The following SHLD1 variants were observed in gnomAD, a reference collection of about 807,000 sequenced individuals.
The protein encoded by SHLD1 is shieldin complex subunit 1, also known as RINN1-REV7-interacting novel NHEJ regulator 3.
A neutral mutation model predicts 5.5 loss-of-function variants in SHLD1; 3 were observed. That is an observed-to-expected ratio of 0.54 (90% CI 0.25 to 1.40). The LOEUF is 1.40. SHLD1 is among the 40% of genes most tolerant of loss of function. SHLD1 has a pLI of 0.15. For missense variants in SHLD1, 210 were observed against 244.4 expected, an observed-to-expected ratio of 0.86 and a Z score of 0.94; for synonymous variants, 92 against 94.3, an observed-to-expected ratio of 0.98 and a Z score of 0.14.
intron 2 of SHLD1, among the ~76,000 whole-genome samples, chr20:5,792,818 C>A (rs988040013): frequency 6.6e-6 from 1 of 151,532 alleles, no homozygotes; most frequent in Non-Finnish European, 1.5e-5. Flanking sequence ...GGATTACAGG[C>A]GTGCGCCAAT....
chr20:5,756,682 T>C (rs1984122865), intron 1 of SHLD1: 1 of 172,958 alleles, frequency 5.8e-6, no homozygotes, highest in Non-Finnish European at 1.2e-5. Context: ...ATTTTCTTTC[T>C]TTCTTTCTTT....
chr20:5,772,886 T>C lies in SHLD1; in HGVS notation c.21T>C (p.Thr7=). The part of the protein sequence containing the change: MAARDA[T]SGSLSEESSA... Reference sequence around the variant, plus strand: ...GGACTATGGCAGCCAGGGACGCCACTTCAGGCAGCCTGTCAGAGGAGAGCA... The same window carrying C: ...GGACTATGGCAGCCAGGGACGCCACCTCAGGCAGCCTGTCAGAGGAGAGCA... Residue 7 remains threonine (T), a synonymous_variant, in exon 2 of 3, where the codon ACT becomes ACC. Transcript: ENST00000303142. 3 of 1,613,326 alleles carry C rather than the reference T, an allele frequency of 1.9e-6. No individual in the cohort carries two copies. The highest frequency in any genetic ancestry group is 2.5e-6 in the Non-Finnish European group (3 of 1,179,566).
intron 2 of SHLD1, among the ~76,000 whole-genome samples, chr20:5,839,477 TTAGATAGAAAGA>T (rs1165222756): frequency 9.5e-6 from 1 of 105,564 alleles, no homozygotes; most frequent in African/African-American, 3.7e-5. Flanking sequence ...AATGGATAAA[TTAGATAGAAAGA>T]TAGATAGATA....
intron 2 of SHLD1, among the ~76,000 whole-genome samples, chr20:5,858,520 T>C (rs2088119081): frequency 6.6e-6 from 1 of 152,192 alleles, no homozygotes; most frequent in Non-Finnish European, 1.5e-5. Context: ...TATATAAAAA[T>C]ATTTTTAGGT....
chr20:5,834,396 CAA>C (rs1468957173), intron 2 of SHLD1, among the ~76,000 whole-genome samples: 1 of 152,002 alleles, frequency 6.6e-6, no homozygotes, highest in Non-Finnish European at 1.5e-5. Context: ...ATAATATAGG[CAA>C]AAAATGCTAC....
intron 2 of SHLD1, among the ~76,000 whole-genome samples, chr20:5,815,662 C>T (rs188444411): frequency 1.2e-3 from 187 of 152,278 alleles, no homozygotes; most frequent in Admixed American, 0.011. Context: ...GTTTGCTAAC[C>T]CATGATCTAT....
At chr20:5,772,806 A>C (rs997291610) in intron 1 of SHLD1, 56 bp from the exon 2 acceptor site, 5 of 1,428,064 alleles carry the variant, frequency 3.5e-6, no homozygotes, top group Non-Finnish European at 4.8e-6. Flanking sequence ...TCTCCAATGA[A>C]GGATCCTGCT....
chr20:5,836,034 G>A (rs2087785038), intron 2 of SHLD1, among the ~76,000 whole-genome samples: 1 of 152,016 alleles, frequency 6.6e-6, no homozygotes, highest in African/African-American at 2.4e-5. Flanking sequence ...CTATGTAACA[G>A]TGGTTGAGAT....
intron 1 of SHLD1, among the ~76,000 whole-genome samples, chr20:5,771,051 G>C (rs1212766657): frequency 6.6e-6 from 1 of 152,118 alleles, no homozygotes; most frequent in Non-Finnish European, 1.5e-5. Flanking sequence ...TAGAACACAA[G>C]CATAAATAAT....
At chr20:5,801,574 A>T (rs182117389) in intron 2 of SHLD1, among the ~76,000 whole-genome samples, 1 of 152,244 alleles carries the variant, frequency 6.6e-6, no homozygotes, top group East Asian at 1.9e-4. Flanking sequence ...AGAATGGAAA[A>T]TGTTTGACAT....
At chr20:5,829,529 CA>C (rs1207036283) in intron 2 of SHLD1, among the ~76,000 whole-genome samples, 1 of 152,112 alleles carries the variant, frequency 6.6e-6, no homozygotes, top group African/African-American at 2.4e-5. Flanking sequence ...GGAAAACCTG[CA>C]AAAAAATTGG....
At chr20:5,760,135 TTGAAGAGTTTAAG>T (rs1984376840) in intron 1 of SHLD1, among the ~76,000 whole-genome samples, 1 of 152,084 alleles carries the variant, frequency 6.6e-6, no homozygotes, top group Non-Finnish European at 1.5e-5. Context: ...TTTGGGTATG[TTGAAGAGTTTAAG>T]TGAAAGGTCC....
chr20:5,844,783 A>C (rs2087907520), intron 2 of SHLD1, among the ~76,000 whole-genome samples: 2 of 99,970 alleles, frequency 2.0e-5, no homozygotes, highest in Non-Finnish European at 1.8e-5. Context: ...ATATATATAT[A>C]TATATATATA....
At chr20:5,817,846 CTT>C (rs1267176324) in intron 2 of SHLD1, among the ~76,000 whole-genome samples, 3 of 152,202 alleles carry the variant, frequency 2.0e-5, no homozygotes, top group East Asian at 3.8e-4. Context: ...ATCTCTGTCT[CTT>C]TGCTGAGGAA....
At chr20:5,773,363 T>G (rs1985278116) in intron 2 of SHLD1, 3 of 575,662 alleles carry the variant, frequency 5.2e-6, no homozygotes, top group African/African-American at 1.9e-5. Flanking sequence ...TGGAATTTTT[T>G]TTTGTTTTGT....
intron 2 of SHLD1, among the ~76,000 whole-genome samples, chr20:5,821,474 T>G (rs957473587): frequency 6.6e-6 from 1 of 152,142 alleles, no homozygotes; most frequent in Non-Finnish European, 1.5e-5. Flanking sequence ...ATCACACCAC[T>G]GCACTCCAGC....
intron 1 of SHLD1, among the ~76,000 whole-genome samples, chr20:5,755,012 T>C (rs1001478515): frequency 7.3e-5 from 11 of 150,366 alleles, no homozygotes; most frequent in Non-Finnish European, 1.5e-4. Context: ...GCCGAGATCG[T>C]GCCATTGCAC....
At chr20:5,750,976 GA>G (rs1983715006) in intron 1 of SHLD1, among the ~76,000 whole-genome samples, 1 of 152,120 alleles carries the variant, frequency 6.6e-6, no homozygotes, top group Admixed American at 6.6e-5. Flanking sequence ...CAGCCTGGAA[GA>G]CAGAGCAAGA....
chr20:5,780,273 CG>C, intron 2 of SHLD1, among the ~76,000 whole-genome samples: 1 of 152,200 alleles, frequency 6.6e-6, no homozygotes, highest in Middle Eastern at 3.4e-3. Flanking sequence ...CCAGTGCACC[CG>C]GCTTGACTGT....
Sources: gnomAD v4.1 joint callset for allele counts (sites outside exome capture counted in the v4.1 genomes callset) on GRCh38, gnomAD v4.1.1 for gene constraint, MANE v1.5 for transcripts, NCBI Gene and HGNC (gene_info 2026-07-23, HGNC 2026-07-21) for gene names.